The following ZBTB20 variants were observed in gnomAD, a reference collection of about 807,000 sequenced individuals.
ZBTB20 encodes zinc finger and BTB domain containing 20, also known as zinc finger and BTB domain-containing protein 20.
A neutral mutation model predicts 56.9 loss-of-function variants in ZBTB20; 9 were observed. The ratio of observed to expected loss-of-function variants is 0.16; its 90% CI spans 0.10 to 0.28. The LOEUF (loss-of-function observed/expected upper bound fraction) is 0.28. ZBTB20 is among the 10% of genes least tolerant of loss of function. The pLI is 1.00. For missense variants in ZBTB20, 655 were observed against 1,003.0 expected, an observed-to-expected ratio of 0.65 and a Z score of 4.69; for synonymous variants, 417 against 420.7, an observed-to-expected ratio of 0.99 and a Z score of 0.11.
At chr3:114,816,149 C>T (rs956829797) in intron 4 of ZBTB20, among the ~76,000 whole-genome samples, 1 of 152,156 alleles carries the variant, frequency 6.6e-6, no homozygotes, top group African/African-American at 2.4e-5. Flanking sequence ...AAAACTGTTA[C>T]AAAGTGGGCT....
At chr3:115,063,674 C>T (rs1266217859) in intron 2 of ZBTB20, among the ~76,000 whole-genome samples, 1 of 151,542 alleles carries the variant, frequency 6.6e-6, no homozygotes, top group South Asian at 2.1e-4. Context: ...CACACACACA[C>T]ACACACACAA....
intron 7 of ZBTB20, among the ~76,000 whole-genome samples, chr3:114,417,408 G>A (rs552240101): frequency 3.9e-5 from 6 of 152,040 alleles, no homozygotes; most frequent in Non-Finnish European, 7.4e-5. Context: ...AGACTTCCAC[G>A]AAGATTCTGT....
intron 7 of ZBTB20, among the ~76,000 whole-genome samples, chr3:114,469,225 A>G (rs1329778286): frequency 6.6e-6 from 1 of 152,126 alleles, no homozygotes; most frequent in East Asian, 1.9e-4. Context: ...ATTTCTAGGT[A>G]GAGAGTTAAG....
At chr3:114,449,130 C>A (rs1033900470) in intron 7 of ZBTB20, among the ~76,000 whole-genome samples, 3 of 151,716 alleles carry the variant, frequency 2.0e-5, no homozygotes, top group African/African-American at 7.3e-5. Context: ...TTTTAAAGCA[C>A]GAAAAGAAAA....
intron 6 of ZBTB20, among the ~76,000 whole-genome samples, chr3:114,636,345 G>A (rs1476095695): frequency 1.3e-5 from 2 of 151,994 alleles, no homozygotes; most frequent in African/African-American, 4.8e-5. Context: ...AAAGATGAAA[G>A]TATAAAACTT....
intron 10 of ZBTB20, among the ~76,000 whole-genome samples, chr3:114,369,249 A>T (rs887392533): frequency 2.0e-5 from 3 of 152,234 alleles, no homozygotes; most frequent in African/African-American, 7.2e-5. Context: ...AAGCTTTTTT[A>T]AAAATTCTGT....
In ZBTB20 at chr3:114,469,278, T is replaced by C. The variant is rs78487369; in HGVS notation, c.-255+31074A>G. On this transcript the variant is annotated intron_variant, in intron 7 of 11. Coordinates refer to ENST00000675478, the MANE Select transcript of ZBTB20 (RefSeq NM_001348800.3). ...CAAGTTTTCCTAGTCACAAGGAATG[T>C]AATGTGGAGAGACTGAACCTCAATG... Among the ~76,000 whole-genome samples, 1,075 of 152,274 alleles carry C rather than the reference T, an allele frequency of 7.1e-3. 12 individuals are homozygous for C. The highest frequency in any genetic ancestry group is 0.024 in the African/African-American group (977 of 41,566).
chr3:114,745,267 T>A (rs1402236901), intron 5 of ZBTB20, among the ~76,000 whole-genome samples: 1 of 152,170 alleles, frequency 6.6e-6, no homozygotes, highest in Non-Finnish European at 1.5e-5. Context: ...CCACAAACAA[T>A]GCTTACCATG....
At chr3:114,401,260 C>T (rs1001248672) in intron 7 of ZBTB20, among the ~76,000 whole-genome samples, 1 of 152,178 alleles carries the variant, frequency 6.6e-6, no homozygotes, top group Admixed American at 6.5e-5. Flanking sequence ...ATATACTTAG[C>T]TGAGCTAGTT....
intron 7 of ZBTB20, among the ~76,000 whole-genome samples, chr3:114,467,204 A>G (rs1244544126): frequency 6.6e-6 from 1 of 152,148 alleles, no homozygotes; most frequent in Non-Finnish European, 1.5e-5. Context: ...GCAGCAGGAA[A>G]CCCACATGTG....
intron 5 of ZBTB20, chr3:114,791,967 C>T (rs2070989050): frequency 6.6e-6 from 1 of 152,130 alleles, no homozygotes; most frequent in Non-Finnish European, 1.5e-5. Context: ...GAGAACGGTG[C>T]TTTCAAATTG....
At chr3:114,341,894 G>A (rs1340871765) in intron 11 of ZBTB20, among the ~76,000 whole-genome samples, 1 of 152,104 alleles carries the variant, frequency 6.6e-6, no homozygotes, top group African/African-American at 2.4e-5. Context: ...ATGACCCAAG[G>A]GCAACCTACT....
chr3:114,465,443 A>G (rs1027372666), intron 7 of ZBTB20, among the ~76,000 whole-genome samples: 1 of 152,218 alleles, frequency 6.6e-6, no homozygotes, highest in Admixed American at 6.5e-5. Flanking sequence ...GCGGTGGCTC[A>G]TGCCTGTAAT....
At chr3:115,065,802 C>T (rs1312701774) in intron 2 of ZBTB20, among the ~76,000 whole-genome samples, 1 of 152,054 alleles carries the variant, frequency 6.6e-6, no homozygotes, top group Non-Finnish European at 1.5e-5. Flanking sequence ...AATAGCAATC[C>T]ATACATTTGG....
intron 4 of ZBTB20, among the ~76,000 whole-genome samples, chr3:114,853,895 T>G (rs992369635): frequency 6.6e-6 from 1 of 152,240 alleles, no homozygotes; most frequent in African/African-American, 2.4e-5. Flanking sequence ...TTCATTGTTT[T>G]CTATAATAGA....
chr3:114,389,758 G>A (rs1422352954), intron 7 of ZBTB20, among the ~76,000 whole-genome samples: 2 of 151,514 alleles, frequency 1.3e-5, no homozygotes, highest in East Asian at 1.9e-4. Flanking sequence ...GCGTGATGGC[G>A]CACGCCTGTA....
chr3:114,397,797 C>A (rs1242176273), intron 7 of ZBTB20, among the ~76,000 whole-genome samples: 4 of 152,056 alleles, frequency 2.6e-5, no homozygotes, highest in African/African-American at 9.7e-5. Context: ...CCAGGCTTAC[C>A]GGATTACAGA....
rs984742388 is a variant in ZBTB20, at chr3:114,963,063, C to T, written c.-456+11303G>A. Among the ~76,000 whole-genome samples the T allele has an allele frequency of 5.3e-5, 8 of 151,468 alleles. No individual in the cohort carries two copies. In the East Asian group the frequency reaches 1.4e-3, roughly 26 times the overall value. On this transcript the variant is annotated intron_variant, in intron 3 of 11. Transcript: ENST00000675478. ...GCTCACTTTTTTTTTTCAATTTAGA[C>T]TTTTCATTCCTTTTTATAAAATAAA...
intron 10 of ZBTB20, chr3:114,359,532 T>C (rs1272890928): frequency 6.6e-6 from 1 of 152,218 alleles, no homozygotes; most frequent in Admixed American, 6.5e-5. Context: ...AATCCTCTTA[T>C]ATTGTAAACC....
Sources: gnomAD v4.1 joint callset for allele counts (sites outside exome capture counted in the v4.1 genomes callset) on GRCh38, gnomAD v4.1.1 for gene constraint, MANE v1.5 for transcripts, NCBI Gene and HGNC (gene_info 2026-07-23, HGNC 2026-07-21) for gene names.